FOCAD: variants seen among roughly 807,000 people sequenced by gnomAD.
FOCAD encodes the protein focadhesin.
In FOCAD, 198 loss-of-function variants were observed where a neutral mutation model predicts 225.6. The ratio of observed to expected loss-of-function variants is 0.88; its 90% CI spans 0.78 to 0.99. The LOEUF is 0.99. Among genes scored for constraint, FOCAD ranks in the 50% least tolerant of loss-of-function variants. FOCAD has a pLI of 0.00. For synonymous variants in FOCAD, 897 were observed against 755.0 expected (o/e 1.19, Z -3.08); for missense variants, 2,713 against 2,123.6 (o/e 1.28, Z -5.46).
intron 11 of FOCAD, among the ~76,000 whole-genome samples, chr9:20,796,446 T>G (rs1278427087): frequency 6.6e-6 from 1 of 152,198 alleles, no homozygotes; most frequent in African/African-American, 2.4e-5. Flanking sequence ...GTAAAAGTGT[T>G]CCTGTTTCTC....
rs750074653 is a variant in FOCAD, at chr9:20,923,688, C to G, written c.2881C>G (p.Leu961Val). The G allele has an allele frequency of 1.2e-6, 2 of 1,613,910 alleles. No individual in the cohort carries two copies. The highest frequency in any genetic ancestry group is 2.2e-5 in the South Asian group (2 of 91,054). The change falls in exon 25 of 44, where the codon CTG becomes GTG. Residue 961 changes from leucine (L) to valine (V), a missense_variant. By Grantham distance (32) the Leu-to-Val change is conservative (BLOSUM62 1). Coordinates refer to ENST00000338382, the MANE Select transcript of FOCAD (RefSeq NM_001375567.1). ...GAGTCCGGTAGTGAAAGGCAATGCG[C>G]TGTTAGCTCTAAGCAGCCTTGCTGT... ...KESPVVKGNA[L>V]LALSSLAVVV...
rs777486101 is a variant in FOCAD at position 20,993,348 on chromosome 9, T to C, written c.5332+20T>C. 8.2e-6 allele frequency: 13 copies of C among 1,594,680 alleles called. No individual in the cohort carries two copies. Among genetic ancestry groups the C allele is most frequent in the African/African-American group, 1.3e-5 (1 of 74,470 alleles). ...TGAAAGGTATTACTTCCATGTTTTATGCTCAACATAGGGGAAAAACCATTA... is the reference window on the plus strand; with the variant it reads ...TGAAAGGTATTACTTCCATGTTTTACGCTCAACATAGGGGAAAAACCATTA... On this transcript the variant is annotated intron_variant, in intron 43 of 43. Coordinates refer to ENST00000338382, the MANE Select transcript of FOCAD (RefSeq NM_001375567.1).
chr9:20,756,880 G>T (rs889335219), intron 5 of FOCAD, among the ~76,000 whole-genome samples: 10 of 152,104 alleles, frequency 6.6e-5, no homozygotes, highest in Admixed American at 6.5e-4. Context: ...TTCCTTTTAT[G>T]CTAAAAAGAT....
At chr9:20,742,376 A>T (rs189965670) in intron 5 of FOCAD, among the ~76,000 whole-genome samples, 65 of 152,294 alleles carry the variant, frequency 4.3e-4, no homozygotes, top group African/African-American at 1.3e-3. Flanking sequence ...GTTGAAGTGC[A>T]GATTCTTTTT....
intron 21 of FOCAD, among the ~76,000 whole-genome samples, chr9:20,904,656 C>G (rs1025191425): frequency 3.9e-5 from 6 of 151,996 alleles, no homozygotes; most frequent in African/African-American, 1.4e-4. Context: ...AATGCTCCAT[C>G]AGATAGCTGT....
chr9:20,888,836 C>T (rs1831354696), intron 21 of FOCAD, among the ~76,000 whole-genome samples: 1 of 152,120 alleles, frequency 6.6e-6, no homozygotes, highest in Admixed American at 6.6e-5. Flanking sequence ...TAAGATGTGA[C>T]TCGCTCCTCC....
At chr9:20,886,768 A>G (rs1390667969) in intron 21 of FOCAD, among the ~76,000 whole-genome samples, 1 of 152,228 alleles carries the variant, frequency 6.6e-6, no homozygotes, top group Non-Finnish European at 1.5e-5. Flanking sequence ...TATGTAGTTC[A>G]TTTGCTTAAA....
intron 1 of FOCAD, among the ~76,000 whole-genome samples, chr9:20,692,343 AGT>A (rs1384879604): frequency 6.6e-6 from 1 of 152,122 alleles, no homozygotes; most frequent in Non-Finnish European, 1.5e-5. Context: ...TACTTTGGAA[AGT>A]GTGTTGGCTA....
intron 15 of FOCAD, among the ~76,000 whole-genome samples, chr9:20,849,938 T>C (rs11998842): frequency 0.017 from 2,523 of 151,952 alleles, 77 homozygotes; most frequent in African/African-American, 0.057. Context: ...GTTCAAAATA[T>C]TGATTTTTGG....
chr9:20,789,521 G>A lies in FOCAD; in HGVS notation c.1368G>A (p.Leu456=), dbSNP rs762337366. The change falls in exon 11 of 44, where the codon CTG becomes CTA. Residue 456 remains leucine (L), a synonymous_variant. Transcript: ENST00000338382. ...TCCCTGCGCCTGCCTTTCTTCTGCTGGCTCACCTCCTTGTTGAAGACAAAG... is the reference window on the plus strand; with the variant it reads ...TCCCTGCGCCTGCCTTTCTTCTGCTAGCTCACCTCCTTGTTGAAGACAAAG... ...AVIPAPAFLL[L]AHLLVEDKGQ... is the part of the protein sequence containing the mutation. 1 of 1,613,864 alleles carries A rather than the reference G, an allele frequency of 6.2e-7. No homozygotes were observed. Among genetic ancestry groups the A allele is most frequent in the South Asian group, 1.1e-5 (1 of 91,064 alleles).
intron 21 of FOCAD, among the ~76,000 whole-genome samples, chr9:20,891,953 A>G (rs1831652469): frequency 6.6e-6 from 1 of 152,204 alleles, no homozygotes; most frequent in South Asian, 2.1e-4. Context: ...TGATGACTTA[A>G]GTTGAAGCCA....
intron 27 of FOCAD, among the ~76,000 whole-genome samples, chr9:20,932,122 A>T (rs764970440): frequency 6.6e-6 from 1 of 152,282 alleles, no homozygotes; most frequent in Admixed American, 6.5e-5. Context: ...ACTCCAAAGG[A>T]CAACTTTTAT....
intron 2 of FOCAD, among the ~76,000 whole-genome samples, chr9:20,662,006 G>A (rs1335101332): frequency 1.3e-5 from 2 of 152,216 alleles, no homozygotes; most frequent in African/African-American, 4.8e-5. Context: ...GGTAGAGTAT[G>A]CACCTTTTGT....
intron 6 of FOCAD, among the ~76,000 whole-genome samples, chr9:20,760,683 A>G (rs1048371083): frequency 1.3e-5 from 2 of 152,180 alleles, no homozygotes; most frequent in Non-Finnish European, 2.9e-5. Flanking sequence ...GCATGGTTAC[A>G]TAATACCTTA....
chr9:20,860,735 T>G (rs1459569641), intron 15 of FOCAD, among the ~76,000 whole-genome samples: 2 of 152,222 alleles, frequency 1.3e-5, no homozygotes, highest in African/African-American at 4.8e-5. Context: ...GGTCTCGAAC[T>G]CCTGACCTTA....
intron 4 of FOCAD, among the ~76,000 whole-genome samples, chr9:20,729,632 A>G (rs1286043236): frequency 1.3e-5 from 2 of 152,146 alleles, no homozygotes; most frequent in Admixed American, 6.5e-5. Context: ...TACAGTAACC[A>G]TATGAATGCA....
At chr9:20,862,746 C>T (rs1828889250) in intron 16 of FOCAD, 34 bp downstream of exon 16, 1 of 1,590,784 alleles carries the variant, frequency 6.3e-7, no homozygotes, top group Admixed American at 1.8e-5. Flanking sequence ...TTGCCTGCTT[C>T]TTCATGGGAA....
intron 25 of FOCAD, 138 bp downstream of exon 25, chr9:20,923,906 G>A: frequency 1.6e-6 from 1 of 610,198 alleles, no homozygotes; most frequent in Non-Finnish European, 2.9e-6. Context: ...CCTTTATACT[G>A]TGAGCCTCAG....
intron 28 of FOCAD, 50 bp from the exon 29 acceptor site, chr9:20,944,577 T>C (rs746699099): frequency 1.9e-6 from 3 of 1,581,386 alleles, no homozygotes; most frequent in Non-Finnish European, 2.6e-6. Flanking sequence ...TGAAGAGCAA[T>C]TGTGTGGATT....
Sources: allele counts gnomAD v4.1 joint callset (sites outside exome capture counted in the v4.1 genomes callset), GRCh38; gene constraint gnomAD v4.1.1; transcripts MANE v1.5; gene names NCBI Gene and HGNC (gene_info 2026-07-23, HGNC 2026-07-21).